The following PCGF5 variants were observed in gnomAD, a reference collection of about 807,000 sequenced individuals.
The protein encoded by PCGF5 is polycomb group RING finger protein 5.
In PCGF5, 9 loss-of-function variants were observed where a neutral mutation model predicts 44.3. That is an observed-to-expected ratio of 0.20 (90% confidence interval 0.12 to 0.35). The LOEUF (loss-of-function observed/expected upper bound fraction) is 0.35, where lower values mean the gene tolerates loss of function less well. PCGF5 is among the 10% of genes least tolerant of loss of function. PCGF5 has a pLI of 1.00. For synonymous variants in PCGF5, 95 were observed against 102.5 expected (o/e 0.93, Z 0.44); for missense variants, 146 against 305.3 (o/e 0.48, Z 3.89).
At chr10:91,203,767 T>C (rs1181723341) in intron 1 of PCGF5, among the ~76,000 whole-genome samples, 1 of 152,194 alleles carries the variant, frequency 6.6e-6, no homozygotes, top group Non-Finnish European at 1.5e-5. Context: ...AAATTTGAAA[T>C]TGAAATAAAT....
intron 1 of PCGF5, among the ~76,000 whole-genome samples, chr10:91,170,088 G>A (rs1843576317): frequency 6.6e-6 from 1 of 152,182 alleles, no homozygotes. Flanking sequence ...AAAGAAAAAA[G>A]TTAATCTAGA....
chr10:91,271,998 C>T (rs949909774), intron 9 of PCGF5, among the ~76,000 whole-genome samples: 9 of 152,156 alleles, frequency 5.9e-5, no homozygotes, highest in African/African-American at 1.2e-4. Context: ...GATTTTGAGA[C>T]GTTACTTTCT....
At chr10:91,175,421 A>G (rs1029445878) in intron 1 of PCGF5, among the ~76,000 whole-genome samples, 18 of 152,190 alleles carry the variant, frequency 1.2e-4, no homozygotes, top group Non-Finnish European at 2.1e-4. Context: ...GAGCAGCCTT[A>G]GAAGGACTTA....
chr10:91,186,035 C>T (rs1843917055), intron 1 of PCGF5, among the ~76,000 whole-genome samples: 1 of 152,214 alleles, frequency 6.6e-6, no homozygotes, highest in South Asian at 2.1e-4. Context: ...CTCCCTGCTT[C>T]AATATTTATT....
intron 1 of PCGF5, among the ~76,000 whole-genome samples, chr10:91,203,358 A>T (rs1045633660): frequency 1.6e-5 from 2 of 122,278 alleles, no homozygotes; most frequent in African/African-American, 1.3e-4. Context: ...TGTTTAACTT[A>T]CTTTTTATTA....
At chr10:91,180,572 C>A (rs906206675) in intron 1 of PCGF5, among the ~76,000 whole-genome samples, 33 of 152,176 alleles carry the variant, frequency 2.2e-4, no homozygotes, top group African/African-American at 7.7e-4. Flanking sequence ...CCAGTTATCA[C>A]AGCACCATTT....
At chr10:91,208,847 T>A (rs1298112429) in intron 1 of PCGF5, among the ~76,000 whole-genome samples, 1 of 152,216 alleles carries the variant, frequency 6.6e-6, no homozygotes, top group Non-Finnish European at 1.5e-5. Context: ...GTGTCTCTAC[T>A]GGTTTTCTGT....
the PCGF5 span, among the ~76,000 whole-genome samples, chr10:91,157,555 CCT>C: frequency 2.0e-5 from 3 of 151,956 alleles, no homozygotes; most frequent in East Asian, 5.8e-4. Flanking sequence ...GAGAAAATGC[CCT>C]GATTCATGGG....
intron 9 of PCGF5, among the ~76,000 whole-genome samples, chr10:91,276,582 A>G (rs1302997564): frequency 2.0e-5 from 3 of 152,226 alleles, no homozygotes; most frequent in Non-Finnish European, 4.4e-5. Context: ...ATGTTCTTAT[A>G]GAACACACAA....
chr10:91,185,158 G>A (rs931801725), intron 1 of PCGF5, among the ~76,000 whole-genome samples: 2 of 152,220 alleles, frequency 1.3e-5, no homozygotes, highest in African/African-American at 4.8e-5. Context: ...CTCCTTCTGG[G>A]AACTCTCTCC....
In PCGF5 at chr10:91,167,994, TAGGA is replaced by T. The variant is rs201888183; in HGVS notation, c.-184+4917_-184+4920del. Among the ~76,000 whole-genome samples, 1,246 of 152,266 alleles carry T rather than the reference TAGGA, an allele frequency of 8.2e-3. 20 individuals carry two copies. The highest frequency in any genetic ancestry group is 0.029 in the African/African-American group (1,196 of 41,536). On this transcript the variant is annotated intron_variant, in intron 1 of 9. Transcript: ENST00000614189. ...AAGTTGATGTTGGCAAGGATTGAAATAGGAAGGGACACTAGTAAAGCACCTGCAA... is the reference window on the plus strand; with the variant it reads ...AAGTTGATGTTGGCAAGGATTGAAATAGGGACACTAGTAAAGCACCTGCAA...
chr10:91,163,374 A>T (rs983381791), intron 1 of PCGF5, among the ~76,000 whole-genome samples: 14 of 151,648 alleles, frequency 9.2e-5, no homozygotes, highest in African/African-American at 3.4e-4. Flanking sequence ...TCTCTTCCCC[A>T]GAGGGGCGCC....
intron 1 of PCGF5, among the ~76,000 whole-genome samples, chr10:91,200,139 T>G (rs548125057): frequency 6.6e-6 from 1 of 152,320 alleles, no homozygotes; most frequent in African/African-American, 2.4e-5. Flanking sequence ...TTTGCCTCAC[T>G]GTGGGAGAGG....
At chr10:91,237,129 TAA>T (rs1243269331) in intron 2 of PCGF5, among the ~76,000 whole-genome samples, 2 of 152,242 alleles carry the variant, frequency 1.3e-5, no homozygotes, top group African/African-American at 4.8e-5. Flanking sequence ...TTTTTATCTA[TAA>T]GAGGCCAAAT....
At chr10:91,159,436 T>A (rs992813377), upstream of PCGF5, among the ~76,000 whole-genome samples, 1 of 152,114 alleles carries the variant, frequency 6.6e-6, no homozygotes, top group Admixed American at 6.5e-5. Context: ...TCCTCATTAA[T>A]GGGATGACTG....
intron 3 of PCGF5, among the ~76,000 whole-genome samples, chr10:91,246,188 G>A (rs1440348775): frequency 6.6e-6 from 1 of 152,142 alleles, no homozygotes; most frequent in Non-Finnish European, 1.5e-5. Context: ...AAACAGAAAT[G>A]AAACTAAGTT....
chr10:91,180,532 G>A (rs892607534), intron 1 of PCGF5, among the ~76,000 whole-genome samples: 21 of 152,096 alleles, frequency 1.4e-4, no homozygotes, highest in African/African-American at 4.8e-4. Context: ...TAAGGAAGGG[G>A]TCCAGTTTCA....
chr10:91,184,821 C>T (rs1184106469), intron 1 of PCGF5, among the ~76,000 whole-genome samples: 1 of 151,944 alleles, frequency 6.6e-6, no homozygotes, highest in African/African-American at 2.4e-5. Flanking sequence ...TTGGATTTTT[C>T]AGTATCTGGA....
rs576086888 is a variant in PCGF5 at position 91,246,809 on chromosome 10, G to A, written c.210-1696G>A. 3.9e-5 allele frequency among the ~76,000 whole-genome samples: 6 copies of A among 152,104 alleles called. No homozygotes were observed. In the East Asian group the frequency reaches 9.6e-4, roughly 24 times the overall value. On this transcript the variant is annotated intron_variant, in intron 3 of 9. Coordinates refer to ENST00000336126, the MANE Select transcript of PCGF5 (RefSeq NM_032373.5). ...TTAAAAAAAGCGAGACAATGACTGG[G>A]CTACTTAGTATTTTATTGGAGGAGG... is the stretch of plus-strand genomic sequence containing the variant.
Sources: gnomAD v4.1 joint callset for allele counts (sites outside exome capture counted in the v4.1 genomes callset) on GRCh38, gnomAD v4.1.1 for gene constraint, MANE v1.5 for transcripts, NCBI Gene and HGNC (gene_info 2026-07-23, HGNC 2026-07-21) for gene names.